Variants in ASAP1 observed in about 807,000 individuals in gnomAD.
ASAP1 encodes the protein arf-GAP with SH3 domain, ANK repeat and PH domain-containing protein 1.
In ASAP1, 43 loss-of-function variants were observed where a neutral mutation model predicts 145.2. The observed-to-expected ratio is 0.30, with a 90% CI of 0.23 to 0.38. The LOEUF (loss-of-function observed/expected upper bound fraction) is 0.38, where lower values mean the gene tolerates loss of function less well. Among genes scored for constraint, ASAP1 ranks in the 10% least tolerant of loss-of-function variants. The probability of loss-of-function intolerance (pLI) is 1.00; values close to 1 mark genes in which losing one functional copy is unlikely to be tolerated. For missense variants in ASAP1, 1,018 were observed against 1,355.3 expected, an observed-to-expected ratio of 0.75 and a Z score of 3.91; for synonymous variants, 546 against 515.5, an observed-to-expected ratio of 1.06 and a Z score of -0.80.
At chr8:130,160,064 G>C (rs2097665922) in intron 11 of ASAP1, 100 bp from the exon 12 acceptor site, 4 of 990,098 alleles carry the variant, frequency 4.0e-6, no homozygotes, top group Non-Finnish European at 6.3e-6. Flanking sequence ...CTGGGTCTAA[G>C]GGAATTATGG....
At chr8:130,323,018 G>C (rs1286498969) in intron 3 of ASAP1, among the ~76,000 whole-genome samples, 1 of 152,228 alleles carries the variant, frequency 6.6e-6, no homozygotes, top group Non-Finnish European at 1.5e-5. Flanking sequence ...AAAAAGATCA[G>C]AATAGGCAAT....
At chr8:130,228,743 A>G (rs13252244) in intron 4 of ASAP1, among the ~76,000 whole-genome samples, 1 of 151,756 alleles carries the variant, frequency 6.6e-6, no homozygotes, top group African/African-American at 2.4e-5. Flanking sequence ...ATGAAAAAAA[A>G]CAAAAAAACC....
At position 130,310,137 on chromosome 8, in the gene ASAP1, T is replaced by TG. The variant is rs1565195248; in HGVS notation, c.186+47879_186+47880insC. ...CAAAATGGGGCTAATACAGTTTTTT[T>TG]TGGGGGGGGGAGGGGGGTGAGGGGA... is the stretch of plus-strand genomic sequence containing the variant. On this transcript the variant is annotated intron_variant, in intron 3 of 29. Coordinates refer to ENST00000518721, the MANE Select transcript of ASAP1 (RefSeq NM_018482.4). Among the ~76,000 whole-genome samples, 31 of 28,152 alleles carry TG rather than the reference T, an allele frequency of 1.1e-3. 1 individual carries two copies. The highest frequency in any genetic ancestry group is 2.8e-3 in the African/African-American group (25 of 9,046). The allele number at this position is 28,152 out of a possible 152,430, so 18.5% of individuals were successfully genotyped here.
At chr8:130,409,134 C>T (rs1489051048) in intron 1 of ASAP1, among the ~76,000 whole-genome samples, 3 of 152,020 alleles carry the variant, frequency 2.0e-5, no homozygotes, top group Non-Finnish European at 4.4e-5. Context: ...TGGTGGCAGG[C>T]GCCTGTAGTC....
At chr8:130,167,069 C>T (rs373456352) in intron 11 of ASAP1, among the ~76,000 whole-genome samples, 1 of 152,004 alleles carries the variant, frequency 6.6e-6, no homozygotes, top group Non-Finnish European at 1.5e-5. Flanking sequence ...TTTGGGAGGC[C>T]GAGGTGGGAG....
chr8:130,415,047 T>A (rs1829418992), intron 1 of ASAP1, among the ~76,000 whole-genome samples: 1 of 152,348 alleles, frequency 6.6e-6, no homozygotes, highest in East Asian at 1.9e-4. Flanking sequence ...CGTAAGCCAC[T>A]GTGCCCGGCA....
chr8:130,356,902 G>A (rs1355634457), intron 3 of ASAP1, among the ~76,000 whole-genome samples: 2 of 152,118 alleles, frequency 1.3e-5, no homozygotes, highest in East Asian at 1.9e-4. Flanking sequence ...ACATCAGAAA[G>A]AGCTCCCCAA....
chr8:130,118,132 T>G, intron 20 of ASAP1, 29 bp downstream of exon 20: 1 of 1,587,186 alleles, frequency 6.3e-7, no homozygotes, highest in South Asian at 1.1e-5. Flanking sequence ...CATATTCAGG[T>G]AATTCAACAG....
At chr8:130,290,854 T>C (rs1196203116) in intron 3 of ASAP1, among the ~76,000 whole-genome samples, 1 of 152,176 alleles carries the variant, frequency 6.6e-6, no homozygotes, top group Non-Finnish European at 1.5e-5. Flanking sequence ...CCTCCTTGCT[T>C]TGATATGCTT....
intron 7 of ASAP1, among the ~76,000 whole-genome samples, chr8:130,181,441 T>C (rs1565059454): frequency 6.6e-6 from 1 of 152,232 alleles, no homozygotes; most frequent in Non-Finnish European, 1.5e-5. Flanking sequence ...TCCTTGAATA[T>C]CGACAGCTTG....
At chr8:130,352,623 A>G (rs1183706497) in intron 3 of ASAP1, among the ~76,000 whole-genome samples, 1 of 152,216 alleles carries the variant, frequency 6.6e-6, no homozygotes, top group East Asian at 1.9e-4. Flanking sequence ...TGGTTGTATG[A>G]CCTGGGCAGA....
At chr8:130,413,457 T>C (rs992264177) in intron 1 of ASAP1, among the ~76,000 whole-genome samples, 2 of 152,206 alleles carry the variant, frequency 1.3e-5, no homozygotes, top group Admixed American at 6.5e-5. Context: ...TAAAATATAA[T>C]GTGGCAGAAC....
intron 13 of ASAP1, among the ~76,000 whole-genome samples, chr8:130,147,321 C>T (rs1451268351): frequency 2.0e-5 from 3 of 151,694 alleles, no homozygotes; most frequent in Non-Finnish European, 4.4e-5. Flanking sequence ...CTAATTCTGC[C>T]CTACATTCTG....
At chr8:130,216,549 C>T (rs958070924) in intron 4 of ASAP1, among the ~76,000 whole-genome samples, 8 of 152,190 alleles carry the variant, frequency 5.3e-5, no homozygotes, top group East Asian at 1.9e-4. Flanking sequence ...TCTTGCCTCA[C>T]GACTGGTCCT....
chr8:130,069,532 TACCAAA>T (rs2097437638), intron 27 of ASAP1: 1 of 152,230 alleles, frequency 6.6e-6, no homozygotes, highest in Admixed American at 6.5e-5. Flanking sequence ...CCACTGCGCT[TACCAAA>T]ACAAAGGTCT....
intron 2 of ASAP1, among the ~76,000 whole-genome samples, chr8:130,387,660 A>G (rs1320033036): frequency 8.5e-6 from 1 of 117,620 alleles, no homozygotes; most frequent in Non-Finnish European, 1.9e-5. Context: ...CCATCTCAGA[A>G]AAAAAAAAAA....
At chr8:130,190,581 G>C (rs573120328) in intron 5 of ASAP1, among the ~76,000 whole-genome samples, 1 of 152,082 alleles carries the variant, frequency 6.6e-6, no homozygotes, top group Non-Finnish European at 1.5e-5. Context: ...GCAGTGGCAT[G>C]ATCTCTGCTC....
intron 3 of ASAP1, among the ~76,000 whole-genome samples, chr8:130,354,980 G>A (rs890853745): frequency 6.6e-6 from 1 of 152,158 alleles, no homozygotes; most frequent in Non-Finnish European, 1.5e-5. Context: ...CGGCCTCCCG[G>A]GTTCATATGA....
At chr8:130,193,077 A>G (rs1220862143) in intron 5 of ASAP1, among the ~76,000 whole-genome samples, 2 of 152,212 alleles carry the variant, frequency 1.3e-5, no homozygotes, top group Non-Finnish European at 2.9e-5. Context: ...AAGAATTTGC[A>G]TAACAAGGAG....
Sources: allele counts gnomAD v4.1 joint callset (sites outside exome capture counted in the v4.1 genomes callset), GRCh38; gene constraint gnomAD v4.1.1; transcripts MANE v1.5; gene names NCBI Gene and HGNC (gene_info 2026-07-23, HGNC 2026-07-21).